C19orf84: variants seen among roughly 807,000 people sequenced by gnomAD.
C19orf84 encodes chromosome 19 open reading frame 84.
Under a neutral mutation model 4.0 loss-of-function variants are expected in C19orf84, and 1 was observed. The observed-to-expected ratio is 0.25, with a 90% CI of 0.09 to 1.19. The LOEUF is 1.19. Among genes scored for constraint, C19orf84 ranks in the 50% most tolerant of loss-of-function variants. C19orf84 has a pLI of 0.50. For synonymous variants in C19orf84, 123 were observed against 109.6 expected (o/e 1.12, Z -0.76); for missense variants, 224 against 246.8 (o/e 0.91, Z 0.62).
In C19orf84 at chr19:51,388,844, A is replaced by T; in HGVS notation, c.*140T>A. ...GTTCACCAAGTGCCTCACAGGAGCTACTCCTGGGATTGTGGTTTTGGGGAG... is the reference window on the plus strand; with the variant it reads ...GTTCACCAAGTGCCTCACAGGAGCTTCTCCTGGGATTGTGGTTTTGGGGAG... On this transcript the variant is annotated 3_prime_UTR_variant, in exon 2 of 2. Coordinates refer to ENST00000574814, the MANE Select transcript of C19orf84 (RefSeq NM_001193623.2). 1 of 934,126 alleles carries T rather than the reference A, an allele frequency of 1.1e-6. No homozygotes were observed. Among genetic ancestry groups the T allele is most frequent in the African/African-American group, 1.7e-5 (1 of 59,518 alleles). The allele number at this position is 934,126 out of a possible 1,614,324, so 57.9% of individuals were successfully genotyped here.
Position 51,390,507 on chromosome 19 carries a change from T to C in C19orf84, c.6A>G (p.Glu2=), listed in dbSNP as rs1015332418. 3 of 1,532,330 alleles carry C rather than the reference T, an allele frequency of 2.0e-6. No homozygotes were observed. In the African/African-American group the frequency reaches 4.1e-5, roughly 21 times the overall value. 94.9% of individuals were successfully genotyped at this position (1,532,330 alleles called of 1,614,324 possible). A position where few individuals can be genotyped will look rare whatever the true frequency, so the allele number is the denominator to read the frequency against. The change falls in exon 1 of 2, where the codon GAA becomes GAG. Residue 2 remains glutamate (E), a synonymous_variant. Coordinates refer to ENST00000574814, the MANE Select transcript of C19orf84 (RefSeq NM_001193623.2). ...CAGGCCCAGCCCCGTCCTTTGGTTG[T>C]TCCATCTCCACTGGGGCCCTCTTAC... M[E]QPKDGAGPEG...
Position 51,388,390 on chromosome 19 carries a change from C to G in C19orf84, c.*594G>C, listed in dbSNP as rs551118929. On this transcript the variant is annotated 3_prime_UTR_variant, in exon 2 of 2. Transcript: ENST00000574814. ...GGTGTCTGGGTATGTGGGGCCAATG[C>G]GGTTCTTTGTGGGGATGGACACAGG... 19 of 155,518 alleles carry G rather than the reference C, an allele frequency of 1.2e-4. No homozygotes were observed. Among genetic ancestry groups the G allele is most frequent in the Non-Finnish European group, 2.6e-4 (18 of 70,182 alleles). The allele number at this position is 155,518 out of a possible 1,614,324, so 9.6% of individuals were successfully genotyped here. A position where few individuals can be genotyped will look rare whatever the true frequency, so the allele number is the denominator to read the frequency against.
At chr19:51,390,406 T>C in intron 1 of C19orf84, 72 bp downstream of exon 1, 2 of 1,468,166 alleles carry the variant, frequency 1.4e-6, no homozygotes, top group South Asian at 2.6e-5. Context: ...GCGCCCTTTC[T>C]CTCTCGTTTT....
At position 51,389,492 on chromosome 19, in the gene C19orf84, G is replaced by A. The variant is rs1275371394; in HGVS notation, c.53C>T (p.Pro18Leu). 1 of 1,428,954 alleles carries A rather than the reference G, an allele frequency of 7.0e-7. No homozygotes were observed. Among genetic ancestry groups the A allele is most frequent in the Non-Finnish European group, 9.1e-7 (1 of 1,095,382 alleles). 88.5% of individuals were successfully genotyped at this position (1,428,954 alleles called of 1,614,324 possible). Residue 18 changes from proline (P) to leucine (L), a missense_variant, in exon 2 of 2, where the codon CCG (proline) becomes CTG (leucine). Coordinates refer to ENST00000574814, the MANE Select transcript of C19orf84 (RefSeq NM_001193623.2). The surrounding 1 kb of genome is among the most constrained non-coding windows in gnomAD (Gnocchi z 4.7). ...AGPEGNNLSL[P>L]SSGTEPWPPA... ...GGGCCATGGCTCGGTCCCAGATGAC[G>A]GCAGGGACAGGTTGTTCCTAGAACA... is the stretch of plus-strand genomic sequence containing the variant.
Position 51,389,480 on chromosome 19 carries a change from G to A in C19orf84, c.65C>T (p.Thr22Ile). ...GNNLSLPSSGTEPWPPAPLPA... is the reference protein window; with the variant it reads ...GNNLSLPSSGIEPWPPAPLPA... ...GAGAGGCGCAGGGGGCCATGGCTCG[G>A]TCCCAGATGACGGCAGGGACAGGTT... The change falls in exon 2 of 2, where the codon ACC (threonine) becomes ATC (isoleucine). Residue 22 changes from threonine (T) to isoleucine (I), a missense_variant. By Grantham distance (89) the Thr-to-Ile change is moderately conservative. Transcript: ENST00000574814. The surrounding 1 kb of genome is among the most constrained non-coding windows in gnomAD (Gnocchi z 4.7). 1 of 1,432,308 alleles carries A rather than the reference G, an allele frequency of 7.0e-7. No homozygotes were observed. The highest frequency in any genetic ancestry group is 2.9e-5 in the Admixed American group (1 of 34,778). The allele number at this position is 1,432,308 out of a possible 1,614,324, so 88.7% of individuals were successfully genotyped here.
Position 51,388,692 on chromosome 19 carries a change from A to G in C19orf84, c.*292T>C. ...GTTGGAGGAGCCCTGGGGGTTGAGA[A>G]TGAGGTAAGGATTGTGGTTGTGGTT... is the stretch of plus-strand genomic sequence containing the variant. On this transcript the variant is annotated 3_prime_UTR_variant, in exon 2 of 2. Transcript: ENST00000574814. 2.2e-6 allele frequency: 1 copy of G among 447,594 alleles called. No individual in the cohort carries two copies. The highest frequency in any genetic ancestry group is 4.0e-6 in the Non-Finnish European group (1 of 249,458). The allele number at this position is 447,594 out of a possible 1,614,324, so 27.7% of individuals were successfully genotyped here.
At chr19:51,390,256 C>T (rs907915408) in intron 1 of C19orf84, 9 of 417,012 alleles carry the variant, frequency 2.2e-5, no homozygotes, top group Non-Finnish European at 3.7e-5. Flanking sequence ...GGATTACAGG[C>T]ATAAGCCACT....
rs930905378 is a variant in C19orf84 at position 51,389,671 on chromosome 19, C to G, written c.36-162G>C. 2.0e-5 allele frequency among the ~76,000 whole-genome samples: 3 copies of G among 152,310 alleles called. No individual in the cohort carries two copies. Among genetic ancestry groups the G allele is most frequent in the African/African-American group, 7.2e-5 (3 of 41,566 alleles). On this transcript the variant is annotated intron_variant, in intron 1 of 1. Transcript: ENST00000574814. The surrounding 1 kb of genome is among the most constrained non-coding windows in gnomAD (Gnocchi z 4.7). ...CGCTTCTCTCTTTTTGTTTCTAACCCGGGTCTCTCTAAAGAAACAGACAGC... is the reference window on the plus strand; with the variant it reads ...CGCTTCTCTCTTTTTGTTTCTAACCGGGGTCTCTCTAAAGAAACAGACAGC...
At position 51,389,523 on chromosome 19, in the gene C19orf84, AAGAC is replaced by A; in HGVS notation, c.36-18_36-15del. On this transcript the variant is annotated splice_polypyrimidine_tract_variant and intron_variant, in intron 1 of 1. Coordinates refer to ENST00000574814, the MANE Select transcript of C19orf84 (RefSeq NM_001193623.2). This position sits in a 1 kb window ranked among gnomAD's most constrained non-coding sequence, Gnocchi z 4.7. ...GACAGGTTGTTCCTAGAACAACAAA[AAGAC>A]AGGTCAGTGGGGCTCAGCGTCTCCG... 7.1e-6 allele frequency: 10 copies of A among 1,409,640 alleles called. No homozygotes were observed. Among genetic ancestry groups the A allele is most frequent in the Non-Finnish European group, 9.2e-6 (10 of 1,086,234 alleles). 87.3% of individuals were successfully genotyped at this position (1,409,640 alleles called of 1,614,324 possible). A position where few individuals can be genotyped will look rare whatever the true frequency, so the allele number is the denominator to read the frequency against.
rs6509533 is a variant in C19orf84 at position 51,389,544 on chromosome 19, G to A, written c.36-35C>T. On this transcript the variant is annotated intron_variant, in intron 1 of 1. Transcript: ENST00000574814. The surrounding 1 kb of genome is among the most constrained non-coding windows in gnomAD (Gnocchi z 4.7). ...CAAAAAGACAGGTCAGTGGGGCTCA[G>A]CGTCTCCGTACTTTCTTGTTTCTCG... 1 of 1,382,288 alleles carries A rather than the reference G, an allele frequency of 7.2e-7. No individual in the cohort carries two copies. Among genetic ancestry groups the A allele is most frequent in the Admixed American group, 3.3e-5 (1 of 30,290 alleles). 85.6% of individuals were successfully genotyped at this position (1,382,288 alleles called of 1,614,324 possible).
Position 51,388,475 on chromosome 19 carries a change from A to G in C19orf84, c.*509T>C, listed in dbSNP as rs1271332125. The G allele has an allele frequency of 1.2e-5, 2 of 164,178 alleles. No individual in the cohort carries two copies. Among genetic ancestry groups the G allele is most frequent in the Non-Finnish European group, 2.7e-5 (2 of 74,686 alleles). 10.2% of individuals were successfully genotyped at this position (164,178 alleles called of 1,614,324 possible). A position where few individuals can be genotyped will look rare whatever the true frequency, so the allele number is the denominator to read the frequency against. On this transcript the variant is annotated 3_prime_UTR_variant, in exon 2 of 2. Transcript: ENST00000574814. ...GCTGTAGATTCAGAGGACATTAAAG[A>G]TGGGCTGAGGTACACAGGCAATGAG...
intron 1 of C19orf84, 44 bp downstream of exon 1, chr19:51,390,434 T>C: frequency 2.6e-6 from 4 of 1,523,164 alleles, no homozygotes; most frequent in Non-Finnish European, 3.5e-6. Flanking sequence ...CCCTCCTCTC[T>C]CTGGGTCTCT....
chr19:51,389,103 G>A lies in C19orf84; in HGVS notation c.442C>T (p.Pro148Ser). Residue 148 changes from proline to serine, a missense_variant, in exon 2 of 2, where the codon CCA becomes TCA. Pro to Ser is a moderately conservative substitution (Grantham distance 74, BLOSUM62 -1). Transcript: ENST00000574814. The surrounding 1 kb of genome is among the most constrained non-coding windows in gnomAD (Gnocchi z 4.7). ...GTTGGTGGTGATGGCAGTGTCATTG[G>A]TGGGGTCCTGGGGCCAGCCCCAGGG... is the stretch of plus-strand genomic sequence containing the variant. ...GGPGAGPRTP[P>S]MTLPSPPTLP... The A allele has an allele frequency of 6.5e-7, 1 of 1,535,942 alleles. No homozygotes were observed. The highest frequency in any genetic ancestry group is 1.4e-5 in the African/African-American group (1 of 73,124).
chr19:51,389,426 G>T lies in C19orf84; in HGVS notation c.119C>A (p.Ser40Tyr), dbSNP rs1219606333. The change falls in exon 2 of 2, where the codon TCC (serine) becomes TAC (tyrosine). Residue 40 changes from serine to tyrosine, a missense_variant. By Grantham distance (144) the Ser-to-Tyr change is moderately radical. Transcript: ENST00000574814. The surrounding 1 kb of genome is among the most constrained non-coding windows in gnomAD (Gnocchi z 4.7). ...GAGCCCCAGGTGGGTGGGGTCTGTG[G>T]AGTTCAGGAGCAAGGGTGGAGGGGC... ...LPAPPPLLLN[S>Y]TDPTHLGLPE... The T allele has an allele frequency of 6.8e-7, 1 of 1,468,242 alleles. No homozygotes were observed. The highest frequency in any genetic ancestry group is 9.0e-7 in the Non-Finnish European group (1 of 1,113,104). 91.0% of individuals were successfully genotyped at this position (1,468,242 alleles called of 1,614,324 possible).
intron 1 of C19orf84, among the ~76,000 whole-genome samples, chr19:51,390,140 G>A (rs759038025): frequency 4.6e-5 from 7 of 151,990 alleles, no homozygotes; most frequent in South Asian, 4.2e-4. Flanking sequence ...CACCACGCCC[G>A]TCTAATTTTG....
Position 51,389,005 on chromosome 19 carries a change from C to T in C19orf84, c.540G>A (p.Glu180=). ...GGTCCTAGTACTCTGTCTCCCAGTC[C>T]TCAGCAGCCAGTGGTGTTTCCAGGG... ...EPPLETPLAA[E]DWETEY Residue 180 remains glutamate (E), a synonymous_variant, in exon 2 of 2, where the codon GAG becomes GAA. Coordinates refer to ENST00000574814, the MANE Select transcript of C19orf84 (RefSeq NM_001193623.2). This position sits in a 1 kb window ranked among gnomAD's most constrained non-coding sequence, Gnocchi z 4.7. The T allele has an allele frequency of 6.5e-7, 1 of 1,536,080 alleles. No individual in the cohort carries two copies. The highest frequency in any genetic ancestry group is 8.7e-7 in the Non-Finnish European group (1 of 1,146,892).
rs1364782851 is a variant in C19orf84 at position 51,389,235 on chromosome 19, T to C, written c.310A>G (p.Arg104Gly). ...CTGACTTCCCAGCCTCCGCGTCCCCTGGGAGGCCTCCTAACTGCCCCCGGC... is the reference window on the plus strand; with the variant it reads ...CTGACTTCCCAGCCTCCGCGTCCCCCGGGAGGCCTCCTAACTGCCCCCGGC... ...SQPGAVRRPPRGRGGWEVRHR... is the reference protein window; with the variant it reads ...SQPGAVRRPPGGRGGWEVRHR... Residue 104 changes from arginine to glycine, a missense_variant, in exon 2 of 2, where the codon AGG becomes GGG. Coordinates refer to ENST00000574814, the MANE Select transcript of C19orf84 (RefSeq NM_001193623.2). This position sits in a 1 kb window ranked among gnomAD's most constrained non-coding sequence, Gnocchi z 4.7. The C allele has an allele frequency of 6.5e-7, 1 of 1,534,906 alleles. No homozygotes were observed. Among genetic ancestry groups the C allele is most frequent in the South Asian group, 1.2e-5 (1 of 83,974 alleles).
chr19:51,388,738 G>A lies in C19orf84; in HGVS notation c.*246C>T. On this transcript the variant is annotated 3_prime_UTR_variant, in exon 2 of 2. Transcript: ENST00000574814. ...TGGTTGGGGATGGCATTGGGAATGGGGTTGAGGCCATCAAGGAGACAGGTT... is the reference window on the plus strand; with the variant it reads ...TGGTTGGGGATGGCATTGGGAATGGAGTTGAGGCCATCAAGGAGACAGGTT... 1 of 562,298 alleles carries A rather than the reference G, an allele frequency of 1.8e-6. No homozygotes were observed. Among genetic ancestry groups the A allele is most frequent in the Non-Finnish European group, 3.2e-6 (1 of 316,392 alleles). The allele number at this position is 562,298 out of a possible 1,614,324, so 34.8% of individuals were successfully genotyped here. A position where few individuals can be genotyped will look rare whatever the true frequency, so the allele number is the denominator to read the frequency against.
chr19:51,390,304 A>G (rs1987272366), intron 1 of C19orf84, 174 bp downstream of exon 1: 1 of 534,824 alleles, frequency 1.9e-6, no homozygotes, highest in Non-Finnish European at 2.9e-6. Context: ...ATCTCGCTCA[A>G]CTCTCACCAA....
Sources: gnomAD v4.1 joint callset for allele counts (sites outside exome capture counted in the v4.1 genomes callset) on GRCh38, gnomAD v4.1.1 for gene constraint, Gnocchi (gnomAD v3.1) non-coding constraint, MANE v1.5 for transcripts, NCBI Gene and HGNC (gene_info 2026-07-23, HGNC 2026-07-21) for gene names.